Variants in NBAS observed in about 807,000 individuals in gnomAD.
NBAS encodes the protein NBAS subunit of NRZ tethering complex, also known as NAG/BC035112 fusion.
Under a neutral mutation model 302.5 loss-of-function variants are expected in NBAS, and 219 were observed. The observed-to-expected ratio is 0.72, with a 90% CI of 0.65 to 0.81. NBAS has a LOEUF of 0.81. NBAS is among the 30% of genes least tolerant of loss of function. NBAS has a pLI of 0.00. For synonymous variants in NBAS, 1,118 were observed against 1,021.6 expected (o/e 1.09, Z -1.80); for missense variants, 2,932 against 2,841.6 (o/e 1.03, Z -0.72).
At chr2:15,025,682 C>G in the NBAS span, among the ~76,000 whole-genome samples, 1 of 151,910 alleles carries the variant, frequency 6.6e-6, no homozygotes, top group Non-Finnish European at 1.5e-5. Context: ...CTTTCACCTC[C>G]CTGATTATCT....
intron 29 of NBAS, among the ~76,000 whole-genome samples, chr2:15,380,978 T>A (rs949868464): frequency 2.0e-5 from 3 of 152,162 alleles, no homozygotes; most frequent in African/African-American, 7.2e-5. Context: ...CTAAGAGGGA[T>A]CCGCTATAAA....
chr2:15,202,406 A>G (rs899378647), intron 48 of NBAS, among the ~76,000 whole-genome samples: 3 of 152,226 alleles, frequency 2.0e-5, no homozygotes, highest in African/African-American at 7.2e-5. Context: ...GTAAGGGGAA[A>G]TATTTTGTGT....
chr2:14,868,681 TCTAA>T, the NBAS span, among the ~76,000 whole-genome samples: 2 of 152,358 alleles, frequency 1.3e-5, no homozygotes, highest in Non-Finnish European at 2.9e-5. Flanking sequence ...CTGAGTTTAG[TCTAA>T]CTAACAAAGC....
At chr2:15,344,521 T>G (rs537967209) in intron 35 of NBAS, among the ~76,000 whole-genome samples, 2 of 152,078 alleles carry the variant, frequency 1.3e-5, no homozygotes, top group Non-Finnish European at 2.9e-5. Context: ...CAGTAATTAA[T>G]AGGCTACCAA....
At chr2:15,488,800 AG>A in intron 12 of NBAS, 93 bp downstream of exon 12, 1 of 1,472,438 alleles carries the variant, frequency 6.8e-7, no homozygotes, top group Non-Finnish European at 9.4e-7. Context: ...GAGAATAAAC[AG>A]CTGTGTACTA....
At chr2:15,511,028 A>C (rs1410783623) in intron 10 of NBAS, among the ~76,000 whole-genome samples, 184 bp downstream of exon 10, 2 of 152,242 alleles carry the variant, frequency 1.3e-5, no homozygotes, top group African/African-American at 4.8e-5. Flanking sequence ...TCCAAGTTAA[A>C]TACAATATGC....
At chr2:14,879,059 T>C in the NBAS span, among the ~76,000 whole-genome samples, 2 of 152,256 alleles carry the variant, frequency 1.3e-5, no homozygotes, top group Non-Finnish European at 1.5e-5. Flanking sequence ...ATATATACTA[T>C]GTAGACTTTT....
chr2:14,899,379 A>C, the NBAS span, among the ~76,000 whole-genome samples: 2 of 152,232 alleles, frequency 1.3e-5, no homozygotes, highest in East Asian at 3.8e-4. Context: ...CAAATGACTA[A>C]ATGAACACAT....
intron 51 of NBAS, 26 bp from the exon 52 acceptor site, chr2:15,167,349 G>A (rs759387013): frequency 2.2e-5 from 36 of 1,613,518 alleles, no homozygotes; most frequent in Non-Finnish European, 2.6e-5. Context: ...CAGGCACAGC[G>A]TGAGGGGGTG....
chr2:14,791,267 A>G, the NBAS span, among the ~76,000 whole-genome samples: 1 of 152,174 alleles, frequency 6.6e-6, no homozygotes, highest in Non-Finnish European at 1.5e-5. Flanking sequence ...CTGGGATTAC[A>G]GGCATGAGCC....
the NBAS span, among the ~76,000 whole-genome samples, chr2:14,812,476 A>G: frequency 7.2e-5 from 11 of 152,226 alleles, no homozygotes; most frequent in Admixed American, 6.5e-4. Flanking sequence ...TTTCCCAGGA[A>G]GTATTTGCTT....
chr2:15,454,311 A>G (rs901616730), intron 21 of NBAS, among the ~76,000 whole-genome samples: 4 of 152,154 alleles, frequency 2.6e-5, no homozygotes, highest in Non-Finnish European at 5.9e-5. Flanking sequence ...ATATGGAAAA[A>G]TAGAGTTTAT....
chr2:14,787,419 A>G, the NBAS span, among the ~76,000 whole-genome samples: 3 of 152,190 alleles, frequency 2.0e-5, no homozygotes, highest in African/African-American at 7.2e-5. Context: ...CCTAGCCTCG[A>G]TGGTCTTTAC....
the NBAS span, among the ~76,000 whole-genome samples, chr2:15,145,518 T>C: frequency 6.6e-6 from 1 of 152,088 alleles, no homozygotes; most frequent in African/African-American, 2.4e-5. Context: ...GGAGTTCCAG[T>C]TGAGACCTGG....
At chr2:15,124,496 C>T in the NBAS span, among the ~76,000 whole-genome samples, 1 of 152,210 alleles carries the variant, frequency 6.6e-6, no homozygotes, top group Admixed American at 6.5e-5. Context: ...ATTAGCATGA[C>T]TCAAAGGGAG....
At chr2:15,291,904 C>T (rs1457318366) in intron 41 of NBAS, among the ~76,000 whole-genome samples, 3 of 152,050 alleles carry the variant, frequency 2.0e-5, no homozygotes, top group African/African-American at 7.2e-5. Context: ...AATCTTAGAA[C>T]TGGGCTATCA....
Position 15,292,755 on chromosome 2 carries a change from T to C in NBAS, c.4809A>G (p.Lys1603=). The part of the protein sequence containing the change: ...KCHPLYRADP[K]ELIKMVTRHV... ...GCCTGGTGACCATCTTGATTAGTTC[T>C]TTGGGATCAGCCTATGAAAGACATG... The change falls in exon 41 of 52, where the codon AAA becomes AAG. Residue 1603 remains lysine (K), a synonymous_variant. Transcript: ENST00000281513. The C allele has an allele frequency of 6.2e-7, 1 of 1,614,194 alleles. No individual in the cohort carries two copies. Among genetic ancestry groups the C allele is most frequent in the Non-Finnish European group, 8.5e-7 (1 of 1,180,036 alleles).
At position 15,461,299 on chromosome 2, in the gene NBAS, G is replaced by C. The variant is rs1679496360; in HGVS notation, c.2241C>G (p.Tyr747Ter). 1 of 1,613,058 alleles carries C rather than the reference G, an allele frequency of 6.2e-7. No homozygotes were observed. The highest frequency in any genetic ancestry group is 8.5e-7 in the Non-Finnish European group (1 of 1,179,126). The change falls in exon 21 of 52, where the codon TAC (tyrosine) becomes TAG (stop). Residue 747 changes from tyrosine (Y) to a stop codon, truncating the protein, a stop_gained. Coordinates refer to ENST00000281513, the MANE Select transcript of NBAS (RefSeq NM_015909.4). LOFTEE classifies it high-confidence loss of function. ...NVQALEILFT[Y>*]HGSDLLPHRL... ...GATGAGGAAGCAGGTCGGAACCATG[G>C]TAAGTAAACAGAATTTCCAGGGCTT...
Position 15,478,264 on chromosome 2 carries a change from T to A in NBAS, c.1109A>T (p.Asp370Val), listed in dbSNP as rs1225272107. The change falls in exon 13 of 52, where the codon GAT becomes GTT. Residue 370 changes from aspartate (D) to valine (V), a missense_variant. Asp to Val is a radical substitution (Grantham distance 152). Transcript: ENST00000281513. ...EQPGYDDLNP[D>V]WRLSTEKRKK... ...TCTCTTCTCAGTAGAGAGCCTCCAATCAGGATTAAGGTCATCATAGCCTGG... is the reference window on the plus strand; with the variant it reads ...TCTCTTCTCAGTAGAGAGCCTCCAAACAGGATTAAGGTCATCATAGCCTGG... The A allele has an allele frequency of 1.9e-6, 3 of 1,611,630 alleles. No homozygotes were observed. The African/African-American group carries it at 4.0e-5, about 22-fold the overall frequency.
Sources: allele counts gnomAD v4.1 joint callset (sites outside exome capture counted in the v4.1 genomes callset), GRCh38; gene constraint gnomAD v4.1.1; transcripts MANE v1.5; gene names NCBI Gene and HGNC (gene_info 2026-07-23, HGNC 2026-07-21).